RNF169: variants seen among roughly 807,000 people sequenced by gnomAD.
RNF169 encodes ring finger protein 169.
In RNF169, 24 loss-of-function variants were observed where a neutral mutation model predicts 53.9. The observed-to-expected ratio is 0.45, with a 90% CI of 0.32 to 0.63. The LOEUF is 0.63. Among genes scored for constraint, RNF169 ranks in the 20% least tolerant of loss-of-function variants. The pLI is 0.04. For missense variants in RNF169, 883 were observed against 906.2 expected (o/e 0.97, Z 0.33); for synonymous variants, 396 against 363.5 (o/e 1.09, Z -1.02).
At chr11:74,822,301 T>G (rs1169185685) in intron 4 of RNF169, among the ~76,000 whole-genome samples, 1 of 152,186 alleles carries the variant, frequency 6.6e-6, no homozygotes, top group Non-Finnish European at 1.5e-5. Context: ...TTGTAAGCAT[T>G]AAATCTTCTA....
At chr11:74,775,124 T>C (rs2035314294) in intron 1 of RNF169, among the ~76,000 whole-genome samples, 1 of 152,182 alleles carries the variant, frequency 6.6e-6, no homozygotes, top group Admixed American at 6.5e-5. Flanking sequence ...ATAGATGATA[T>C]CAAGTCATGT....
chr11:74,817,532 T>C, intron 3 of RNF169, 64 bp from the exon 4 acceptor site: 4 of 979,806 alleles, frequency 4.1e-6, no homozygotes, highest in Middle Eastern at 2.1e-4. Context: ...TTTGAACCTA[T>C]AGCTAGAGTA....
At chr11:74,776,897 A>C (rs1427350180) in intron 1 of RNF169, among the ~76,000 whole-genome samples, 1 of 152,210 alleles carries the variant, frequency 6.6e-6, no homozygotes, top group Non-Finnish European at 1.5e-5. Flanking sequence ...GGATTATTGA[A>C]GGAATAGTAG....
At chr11:74,762,431 G>A (rs2035101385) in intron 1 of RNF169, among the ~76,000 whole-genome samples, 1 of 152,066 alleles carries the variant, frequency 6.6e-6, no homozygotes, top group Non-Finnish European at 1.5e-5. Flanking sequence ...CCATCTTTGT[G>A]GTTTTATCTA....
rs149277099 is a variant in RNF169 at position 74,836,274 on chromosome 11, C to T, written c.1671C>T (p.Ala557=). The T allele has an allele frequency of 9.5e-4, 1,528 of 1,614,114 alleles. 11 individuals are homozygous for T. The African/African-American group carries it at 0.018, about 19-fold the overall frequency. The change falls in exon 6 of 6, where the codon GCC becomes GCT. Residue 557 remains alanine, a synonymous_variant. Transcript: ENST00000299563. The stretch of plus-strand genomic sequence containing the variant: ...AGGGGTTAGGGTCAACTCCAGATGC[C>T]AAGTTAGACAAAACCTGTATAAGCA... The part of the protein sequence containing the change: ...QFEGLGSTPD[A]KLDKTCISRA...
chr11:74,756,239 A>G (rs2034981010), intron 1 of RNF169, among the ~76,000 whole-genome samples: 2 of 152,208 alleles, frequency 1.3e-5, no homozygotes, highest in Admixed American at 1.3e-4. Context: ...GTAAATATGC[A>G]ACTGAAATGT....
In RNF169 at chr11:74,789,646, A is replaced by C; in HGVS notation, c.523A>C (p.Ile175Leu). 1.2e-6 allele frequency: 2 copies of C among 1,609,858 alleles called. No individual in the cohort carries two copies. Among genetic ancestry groups the C allele is most frequent in the Non-Finnish European group, 1.7e-6 (2 of 1,176,732 alleles). ...TTCAGACTTTATATTCAGAGCACCA[A>C]TCAAATTAAGCAAGCCTGGGGAACT... ...AEPDFIFRAPIKLSKPGELRE... is the reference protein window; with the variant it reads ...AEPDFIFRAPLKLSKPGELRE... Residue 175 changes from isoleucine to leucine, a missense_variant, in exon 2 of 6, where the codon ATC becomes CTC. Ile to Leu is a conservative substitution (Grantham distance 5). Transcript: ENST00000299563.
chr11:74,778,362 A>G (rs1462490762), intron 1 of RNF169, among the ~76,000 whole-genome samples: 2 of 152,154 alleles, frequency 1.3e-5, no homozygotes, highest in African/African-American at 2.4e-5. Context: ...ATATGTTATC[A>G]CGAATTTTTT....
chr11:74,806,593 A>G (rs1010615192), intron 2 of RNF169, among the ~76,000 whole-genome samples: 104 of 152,240 alleles, frequency 6.8e-4, no homozygotes, highest in African/African-American at 2.4e-3. Flanking sequence ...TTTATTGTCA[A>G]ACAACAGAAT....
In RNF169 at chr11:74,829,318, C is replaced by T. The variant is rs561617802; in HGVS notation, c.843-5358C>T. Among the ~76,000 whole-genome samples, 63 of 152,222 alleles carry T rather than the reference C, an allele frequency of 4.1e-4. 1 individual carries two copies. Among genetic ancestry groups the T allele is most frequent in the Admixed American group, 3.1e-3 (47 of 15,290 alleles). On this transcript the variant is annotated intron_variant, in intron 4 of 5. Transcript: ENST00000299563. ...TACCATCTCACACCAGTCAGAATGG[C>T]TATTATTAAAAAGTCAAAAAACAAC...
chr11:74,752,979 T>A lies in RNF169; in HGVS notation c.502+3597T>A, dbSNP rs899132322. 5.9e-5 allele frequency among the ~76,000 whole-genome samples: 9 copies of A among 152,318 alleles called. No homozygotes were observed. In the South Asian group the frequency reaches 6.2e-4, roughly 11 times the overall value. ...TATTTTATTTATTAATTAATTAATTTATTTTTTGAGACAGAGTCTTGCTCT... is the reference window on the plus strand; with the variant it reads ...TATTTTATTTATTAATTAATTAATTAATTTTTTGAGACAGAGTCTTGCTCT... On this transcript the variant is annotated intron_variant, in intron 1 of 5. Transcript: ENST00000299563.
chr11:74,831,764 G>C (rs1053600524), intron 4 of RNF169: 4 of 150,738 alleles, frequency 2.7e-5, no homozygotes, highest in Non-Finnish European at 5.9e-5. Context: ...GCAAAGTATA[G>C]CAATCAAAAC....
At position 74,841,097 on chromosome 11, in the gene RNF169, G is replaced by A. The variant is rs926698361; in HGVS notation, c.*4367G>A. 1 of 151,784 alleles carries A rather than the reference G, an allele frequency of 6.6e-6. No homozygotes were observed. The highest frequency in any genetic ancestry group is 2.4e-5 in the African/African-American group (1 of 41,284). 9.4% of individuals were successfully genotyped at this position (151,784 alleles called of 1,614,324 possible). ...TCTTGGAAAGTGATATATTTTGATT[G>A]GAATAATTTTAATTAAATTTAATGA... is the stretch of plus-strand genomic sequence containing the variant. On this transcript the variant is annotated 3_prime_UTR_variant, in exon 6 of 6. Coordinates refer to ENST00000299563, the MANE Select transcript of RNF169 (RefSeq NM_001098638.2).
chr11:74,820,168 G>C (rs982558823), intron 4 of RNF169, among the ~76,000 whole-genome samples: 2 of 152,160 alleles, frequency 1.3e-5, no homozygotes, highest in Non-Finnish European at 2.9e-5. Context: ...AGATGCATAA[G>C]TGATGTGATA....
chr11:74,831,864 T>G (rs1005644326), intron 4 of RNF169: 24 of 152,146 alleles, frequency 1.6e-4, no homozygotes, highest in African/African-American at 5.8e-4. Flanking sequence ...GGTCAACTGA[T>G]TTCCAACAAG....
chr11:74,772,480 T>C (rs867036786), intron 1 of RNF169, among the ~76,000 whole-genome samples: 1 of 151,244 alleles, frequency 6.6e-6, no homozygotes, highest in Non-Finnish European at 1.5e-5. Context: ...TGGTTTTTTT[T>C]TTTTTTTTTT....
chr11:74,787,612 C>T lies in RNF169; in HGVS notation c.503-2014C>T, dbSNP rs115391291. Among the ~76,000 whole-genome samples, 722 of 152,208 alleles carry T rather than the reference C, an allele frequency of 4.7e-3. 11 individuals carry two copies. Among genetic ancestry groups the T allele is most frequent in the African/African-American group, 0.017 (688 of 41,528 alleles). The stretch of plus-strand genomic sequence containing the variant: ...ATTATGCCTGTGAATAGCCACTGCA[C>T]TCCCTCCTGGGCAACACTGTGAGAC... On this transcript the variant is annotated intron_variant, in intron 1 of 5. Coordinates refer to ENST00000299563, the MANE Select transcript of RNF169 (RefSeq NM_001098638.2).
chr11:74,749,241 G>T lies in RNF169; in HGVS notation c.361G>T (p.Asp121Tyr). 1 of 1,084,316 alleles carries T rather than the reference G, an allele frequency of 9.2e-7. No homozygotes were observed. Among genetic ancestry groups the T allele is most frequent in the South Asian group, 4.3e-5 (1 of 23,226 alleles). 67.2% of individuals were successfully genotyped at this position (1,084,316 alleles called of 1,614,324 possible). The change falls in exon 1 of 6, where the codon GAC becomes TAC. Residue 121 changes from aspartate (D) to tyrosine (Y), a missense_variant. Transcript: ENST00000299563. Reference protein sequence around the residue: ...PGWARRRARDDGQADSEVLGE... With the variant: ...PGWARRRARDYGQADSEVLGE... ...CTGGGCCCGCCGTCGGGCCCGCGAC[G>T]ACGGCCAGGCCGACTCAGAGGTGCT...
At chr11:74,789,343 A>T (rs921288344) in intron 1 of RNF169, among the ~76,000 whole-genome samples, 1 of 152,200 alleles carries the variant, frequency 6.6e-6, no homozygotes, top group Non-Finnish European at 1.5e-5. Flanking sequence ...ATTTTCTATA[A>T]CAAGCATTTA....
Sources: allele counts gnomAD v4.1 joint callset (sites outside exome capture counted in the v4.1 genomes callset), GRCh38; gene constraint gnomAD v4.1.1; transcripts MANE v1.5; gene names NCBI Gene and HGNC (gene_info 2026-07-23, HGNC 2026-07-21).